The following IL15 variants were observed in gnomAD, a reference collection of about 807,000 sequenced individuals.
IL15 encodes interleukin-15.
A neutral mutation model predicts 19.6 loss-of-function variants in IL15; 11 were observed. The observed-to-expected ratio is 0.56, with a 90% CI of 0.35 to 0.93. IL15 has a LOEUF of 0.93. IL15 is among the 40% of genes least tolerant of loss of function. The probability of loss-of-function intolerance (pLI) is 0.01; values close to 1 mark genes in which losing one functional copy is unlikely to be tolerated. For missense variants in IL15, 197 were observed against 186.5 expected, an observed-to-expected ratio of 1.06 and a Z score of -0.33; for synonymous variants, 58 against 59.6, an observed-to-expected ratio of 0.97 and a Z score of 0.12.
At chr4:141,688,293 C>T (rs1371589918) in intron 2 of IL15, among the ~76,000 whole-genome samples, 1 of 152,098 alleles carries the variant, frequency 6.6e-6, no homozygotes, top group African/African-American at 2.4e-5. Flanking sequence ...GTACATAAAC[C>T]AGTCTCAGAG....
At chr4:141,652,257 T>C (rs1271342585) in intron 1 of IL15, among the ~76,000 whole-genome samples, 2 of 152,110 alleles carry the variant, frequency 1.3e-5, no homozygotes, top group Non-Finnish European at 2.9e-5. Flanking sequence ...TATTCTCCTA[T>C]TGTGAGGACA....
intron 2 of IL15, among the ~76,000 whole-genome samples, chr4:141,661,435 A>T (rs933117431): frequency 2.0e-5 from 3 of 152,174 alleles, no homozygotes; most frequent in Non-Finnish European, 4.4e-5. Context: ...AAGGGGTTGT[A>T]TCCCTTGGTG....
chr4:141,673,459 A>G (rs1471376036), intron 2 of IL15, among the ~76,000 whole-genome samples: 1 of 152,140 alleles, frequency 6.6e-6, no homozygotes, highest in African/African-American at 2.4e-5. Flanking sequence ...AAATATCTCA[A>G]TTATGCCTTT....
At chr4:141,680,021 G>A (rs1371500552) in intron 2 of IL15, among the ~76,000 whole-genome samples, 4 of 152,200 alleles carry the variant, frequency 2.6e-5, no homozygotes, top group Admixed American at 6.5e-5. Flanking sequence ...TTGTCATTCA[G>A]TACGTAGAGA....
intron 2 of IL15, among the ~76,000 whole-genome samples, chr4:141,711,467 G>C (rs1313862597): frequency 1.3e-5 from 2 of 152,004 alleles, no homozygotes; most frequent in Non-Finnish European, 2.9e-5. Context: ...GTGAGAATAA[G>C]GACAATCTGT....
chr4:141,661,692 G>A (rs1727794771), intron 2 of IL15, among the ~76,000 whole-genome samples: 1 of 152,120 alleles, frequency 6.6e-6, no homozygotes, highest in Non-Finnish European at 1.5e-5. Flanking sequence ...CTCTGCCTGG[G>A]TGTGACCTCT....
chr4:141,710,873 A>G (rs184008143), intron 2 of IL15, among the ~76,000 whole-genome samples: 4 of 152,218 alleles, frequency 2.6e-5, no homozygotes, highest in Admixed American at 2.6e-4. Flanking sequence ...AAATAAAATA[A>G]TCATCAGAGT....
At position 141,729,968 on chromosome 4, in the gene IL15, G is replaced by A. The variant is rs1404047180; in HGVS notation, c.362G>A (p.Ser121Asn). The part of the protein sequence containing the change: ...VENLIILANN[S>N]LSSNGNVTES... ...AATCTGATCATCCTAGCAAACAACA[G>A]TTTGTCTTCTAATGGGGTGAGTTTT... is the stretch of plus-strand genomic sequence containing the variant. Residue 121 changes from serine (S) to asparagine (N), a missense_variant, in exon 7 of 8, where the codon AGT (serine) becomes AAT (asparagine). Transcript: ENST00000320650. 1.2e-6 allele frequency: 2 copies of A among 1,609,946 alleles called. No homozygotes were observed. The highest frequency in any genetic ancestry group is 2.7e-5 in the African/African-American group (2 of 74,890).
chr4:141,652,942 G>T (rs185509627), intron 1 of IL15, among the ~76,000 whole-genome samples: 180 of 152,230 alleles, frequency 1.2e-3, no homozygotes, highest in African/African-American at 4.1e-3. Context: ...CACCGAATAC[G>T]TTATTATCAG....
chr4:141,725,876 A>G lies in IL15; in HGVS notation c.196-2064A>G, dbSNP rs1026727549. On this transcript the variant is annotated intron_variant, in intron 5 of 7. Transcript: ENST00000320650. Reference sequence around the variant, plus strand: ...TTTATGTCTTATGGTTATGAGACTGAAAAGTTCAAGGTTGAGGAGCCACAT... The same window carrying G: ...TTTATGTCTTATGGTTATGAGACTGGAAAGTTCAAGGTTGAGGAGCCACAT... Among the ~76,000 whole-genome samples the G allele has an allele frequency of 2.0e-5, 3 of 152,258 alleles. No individual in the cohort carries two copies. The South Asian group carries it at 6.2e-4, about 32-fold the overall frequency.
intron 2 of IL15, among the ~76,000 whole-genome samples, chr4:141,660,842 G>A (rs997371937): frequency 1.3e-5 from 2 of 152,006 alleles, no homozygotes; most frequent in African/African-American, 2.4e-5. Context: ...CCTAGGAAGG[G>A]AACTAAGATG....
chr4:141,644,617 C>G (rs1727158778), intron 1 of IL15, among the ~76,000 whole-genome samples: 1 of 152,104 alleles, frequency 6.6e-6, no homozygotes, highest in Non-Finnish European at 1.5e-5. Context: ...GTTATGGCAT[C>G]AAACTCAGAC....
At position 141,664,783 on chromosome 4, in the gene IL15, G is replaced by T. The variant is rs577267197; in HGVS notation, c.-100+8476G>T. ...GACCAGAGTGGAGGGACAACAAATA[G>T]GGTGAATGGGACAGGAATTGAAGCC... On this transcript the variant is annotated intron_variant, in intron 2 of 7. Transcript: ENST00000320650. Among the ~76,000 whole-genome samples, 6 of 152,260 alleles carry T rather than the reference G, an allele frequency of 3.9e-5. No individual in the cohort carries two copies. The South Asian group carries it at 1.2e-3, about 32-fold the overall frequency.
At chr4:141,727,465 A>G (rs1406107786) in intron 5 of IL15, among the ~76,000 whole-genome samples, 2 of 152,166 alleles carry the variant, frequency 1.3e-5, no homozygotes, top group East Asian at 3.8e-4. Context: ...AGTGGTTGCC[A>G]GAATTTAGAG....
intron 2 of IL15, among the ~76,000 whole-genome samples, chr4:141,701,946 C>T (rs1729335637): frequency 6.6e-6 from 1 of 152,146 alleles, no homozygotes; most frequent in African/African-American, 2.4e-5. Flanking sequence ...AGAGTACTCC[C>T]CCTGTTGGGC....
At chr4:141,647,332 A>C (rs1387507353) in intron 1 of IL15, among the ~76,000 whole-genome samples, 1 of 152,090 alleles carries the variant, frequency 6.6e-6, no homozygotes, top group African/African-American at 2.4e-5. Flanking sequence ...TGATTTTGGA[A>C]ATATCACGAT....
intron 1 of IL15, among the ~76,000 whole-genome samples, chr4:141,647,474 T>C (rs1727266225): frequency 6.6e-6 from 1 of 152,022 alleles, no homozygotes; most frequent in Non-Finnish European, 1.5e-5. Context: ...TTAAAACAAA[T>C]GGTCAGGATA....
intron 7 of IL15, among the ~76,000 whole-genome samples, chr4:141,732,142 G>A (rs1730472046): frequency 6.6e-6 from 1 of 152,196 alleles, no homozygotes; most frequent in South Asian, 2.1e-4. Flanking sequence ...AAGGGGTTCT[G>A]AGATGTAAAG....
intron 2 of IL15, among the ~76,000 whole-genome samples, chr4:141,709,724 A>G (rs1300226681): frequency 6.6e-6 from 1 of 152,152 alleles, no homozygotes; most frequent in East Asian, 1.9e-4. Context: ...AGGTACATAA[A>G]CATTCATAAC....
Sources: gnomAD v4.1 joint callset for allele counts (sites outside exome capture counted in the v4.1 genomes callset) on GRCh38, gnomAD v4.1.1 for gene constraint, MANE v1.5 for transcripts, NCBI Gene and HGNC (gene_info 2026-07-23, HGNC 2026-07-21) for gene names.